Variants in DCC observed in about 807,000 individuals in gnomAD.
The protein encoded by DCC is netrin receptor DCC.
A neutral mutation model predicts 172.5 loss-of-function variants in DCC; 58 were observed. That is an observed-to-expected ratio of 0.34 (90% CI 0.27 to 0.42). The LOEUF (loss-of-function observed/expected upper bound fraction) is 0.42. DCC is among the 10% of genes least tolerant of loss of function. DCC has a pLI of 1.00. For missense variants in DCC, 1,740 were observed against 1,791.0 expected, an observed-to-expected ratio of 0.97 and a Z score of 0.51; for synonymous variants, 709 against 644.5, an observed-to-expected ratio of 1.10 and a Z score of -1.52.
chr18:53,089,157 C>T (rs1345753605), intron 7 of DCC, among the ~76,000 whole-genome samples: 2 of 152,124 alleles, frequency 1.3e-5, no homozygotes, highest in Non-Finnish European at 2.9e-5. Context: ...GTGATCTCTG[C>T]TCACTGCAAC....
chr18:52,656,538 A>G (rs895566014), intron 1 of DCC, among the ~76,000 whole-genome samples: 3 of 146,760 alleles, frequency 2.0e-5, no homozygotes, highest in Admixed American at 1.4e-4. Context: ...AATAGATTGC[A>G]TTCTACTTAC....
chr18:53,032,334 G>A (rs2042036268), intron 5 of DCC, among the ~76,000 whole-genome samples: 3 of 152,098 alleles, frequency 2.0e-5, no homozygotes, highest in African/African-American at 4.8e-5. Flanking sequence ...TGGAAAATAG[G>A]TAGACCAAGT....
intron 1 of DCC, among the ~76,000 whole-genome samples, chr18:52,643,904 G>A (rs77927005): frequency 0.049 from 7,415 of 151,684 alleles, 252 homozygotes; most frequent in Middle Eastern, 0.083. Context: ...CCCTTGCTGT[G>A]CCAAAACAGA....
At chr18:53,240,655 A>T (rs986151702) in intron 12 of DCC, among the ~76,000 whole-genome samples, 1 of 152,174 alleles carries the variant, frequency 6.6e-6, no homozygotes, top group Non-Finnish European at 1.5e-5. Flanking sequence ...AAATGAGACT[A>T]ATACTAGGTT....
At chr18:52,757,261 C>A (rs758833954) in intron 2 of DCC, 1 of 152,216 alleles carries the variant, frequency 6.6e-6, no homozygotes, top group Non-Finnish European at 1.5e-5. Flanking sequence ...GGGCACTCCT[C>A]TCAGCCTTCT....
chr18:52,551,417 C>T (rs764918004), intron 1 of DCC, among the ~76,000 whole-genome samples: 2 of 151,974 alleles, frequency 1.3e-5, no homozygotes, highest in Non-Finnish European at 2.9e-5. Flanking sequence ...AAGAAAACCT[C>T]AGTGACGCTC....
At chr18:52,784,274 A>C (rs2037610376) in intron 2 of DCC, among the ~76,000 whole-genome samples, 1 of 152,056 alleles carries the variant, frequency 6.6e-6, no homozygotes, top group African/African-American at 2.4e-5. Context: ...AGTGAATGAT[A>C]TTCTATTTTG....
At chr18:53,094,643 C>T (rs1343830058) in intron 7 of DCC, among the ~76,000 whole-genome samples, 1 of 152,166 alleles carries the variant, frequency 6.6e-6, no homozygotes, top group Non-Finnish European at 1.5e-5. Context: ...TTTATATCTT[C>T]ATAAGAATGC....
intron 1 of DCC, among the ~76,000 whole-genome samples, chr18:52,629,640 C>A (rs1258609752): frequency 3.3e-5 from 5 of 152,056 alleles, no homozygotes; most frequent in Non-Finnish European, 5.9e-5. Context: ...TATGGTGAAA[C>A]CCTGTCTCTA....
chr18:53,514,967 G>C (rs2046315489), intron 27 of DCC, among the ~76,000 whole-genome samples: 4 of 150,998 alleles, frequency 2.6e-5, no homozygotes, highest in Admixed American at 2.6e-4. Context: ...GCATCATTCT[G>C]ATACCAAAGC....
At chr18:53,390,145 A>G (rs945027542) in intron 16 of DCC, among the ~76,000 whole-genome samples, 3 of 152,210 alleles carry the variant, frequency 2.0e-5, no homozygotes, top group African/African-American at 4.8e-5. Flanking sequence ...TCATCGTTTT[A>G]TAAATCTATT....
intron 16 of DCC, among the ~76,000 whole-genome samples, chr18:53,389,275 G>A (rs1317809138): frequency 3.4e-5 from 4 of 119,354 alleles, no homozygotes; most frequent in Admixed American, 7.7e-5. Flanking sequence ...GTGGTAGGAA[G>A]AGAAAAGAAA....
chr18:52,970,296 T>C (rs2041009328), intron 5 of DCC, among the ~76,000 whole-genome samples: 1 of 152,126 alleles, frequency 6.6e-6, no homozygotes, highest in Non-Finnish European at 1.5e-5. Flanking sequence ...ATAGGTGGCA[T>C]AATTAAACCT....
At chr18:52,872,848 A>G (rs2039343650) in intron 2 of DCC, among the ~76,000 whole-genome samples, 1 of 152,212 alleles carries the variant, frequency 6.6e-6, no homozygotes, top group Non-Finnish European at 1.5e-5. Flanking sequence ...TGATGATATA[A>G]CACTTGAAAA....
chr18:53,100,576 AAAG>A (rs1387310625), intron 7 of DCC, among the ~76,000 whole-genome samples: 1 of 151,996 alleles, frequency 6.6e-6, no homozygotes, highest in Non-Finnish European at 1.5e-5. Context: ...GAGTCAGAGA[AAAG>A]AAAGATAGAA....
At chr18:53,226,595 A>G (rs1362773380) in intron 12 of DCC, among the ~76,000 whole-genome samples, 1 of 152,076 alleles carries the variant, frequency 6.6e-6, no homozygotes, top group Non-Finnish European at 1.5e-5. Flanking sequence ...TTCAATTCCA[A>G]GTTATATAAT....
At position 52,773,522 on chromosome 18, in the gene DCC, T is replaced by TATCTATCTATCTATCTATCTATC. The variant is rs1568093891; in HGVS notation, c.412+21148_412+21149insATCTATCTATCTATCTATCTATC. Reference sequence around the variant, plus strand: ...TCTCTATATATCTATATCTATCTATTTATCTATCTATCTATATATTTTGAG... The same window carrying TATCTATCTATCTATCTATCTATC: ...TCTCTATATATCTATATCTATCTATTATCTATCTATCTATCTATCTATCTATCTATCTATCTATATATTTTGAG... On this transcript the variant is annotated intron_variant, in intron 2 of 28. Transcript: ENST00000442544. Among the ~76,000 whole-genome samples the TATCTATCTATCTATCTATCTATC allele has an allele frequency of 3.5e-3, 534 of 151,478 alleles. 10 individuals are homozygous for TATCTATCTATCTATCTATCTATC. The highest frequency in any genetic ancestry group is 0.012 in the African/African-American group (513 of 41,144).
At chr18:53,115,068 T>G (rs932423363) in intron 7 of DCC, among the ~76,000 whole-genome samples, 1 of 151,560 alleles carries the variant, frequency 6.6e-6, no homozygotes, top group African/African-American at 2.4e-5. Flanking sequence ...GTTTTTCTCC[T>G]TAAAAAAATA....
intron 8 of DCC, among the ~76,000 whole-genome samples, chr18:53,174,697 C>G (rs1454073070): frequency 1.4e-5 from 2 of 146,640 alleles, no homozygotes; most frequent in African/African-American, 5.0e-5. Context: ...GCTTACCAAC[C>G]AAAAAGAGTC....
Sources: gnomAD v4.1 joint callset for allele counts (sites outside exome capture counted in the v4.1 genomes callset) on GRCh38, gnomAD v4.1.1 for gene constraint, MANE v1.5 for transcripts, NCBI Gene and HGNC (gene_info 2026-07-23, HGNC 2026-07-21) for gene names.